ABTB3: variants seen among roughly 807,000 people sequenced by gnomAD.
ABTB3 encodes ankyrin repeat- and BTB/POZ domain-containing protein 3.
chr12:107,639,426 G>A, the ABTB3 span, among the ~76,000 whole-genome samples: 5 of 152,214 alleles, frequency 3.3e-5, no homozygotes, highest in East Asian at 5.8e-4. Context: ...GGGGCCAAGA[G>A]TGGAGGCAGA....
At chr12:107,480,282 A>G in the ABTB3 span, among the ~76,000 whole-genome samples, 1 of 150,240 alleles carries the variant, frequency 6.7e-6, no homozygotes, top group African/African-American at 2.4e-5. Flanking sequence ...GCATGACCCA[A>G]AAAAAAAAAT....
chr12:107,395,319 T>C, the ABTB3 span, among the ~76,000 whole-genome samples: 1 of 152,202 alleles, frequency 6.6e-6, no homozygotes, highest in Non-Finnish European at 1.5e-5. Context: ...CTGTCCATGC[T>C]GATCTTGGCC....
At chr12:107,549,980 A>T in the ABTB3 span, among the ~76,000 whole-genome samples, 1 of 150,776 alleles carries the variant, frequency 6.6e-6, no homozygotes, top group Admixed American at 6.6e-5. Flanking sequence ...TTGCACCTGC[A>T]TGTCACCTGG....
At chr12:107,358,300 A>T in the ABTB3 span, among the ~76,000 whole-genome samples, 53,153 of 152,084 alleles carry the variant, frequency 0.35, 9,674 homozygotes, top group South Asian at 0.42. Flanking sequence ...GTGGCATGTT[A>T]GTAGACCTTC....
the ABTB3 span, among the ~76,000 whole-genome samples, chr12:107,431,792 G>A: frequency 1.3e-5 from 2 of 152,156 alleles, no homozygotes; most frequent in African/African-American, 2.4e-5. Context: ...ACCCTGTATG[G>A]CAGATGCACC....
At chr12:107,649,282 A>T in the ABTB3 span, 2 of 1,611,568 alleles carry the variant, frequency 1.2e-6, no homozygotes, top group Admixed American at 1.7e-5. Context: ...GAGGTAAGGG[A>T]TCCATTGTGG....
the ABTB3 span, among the ~76,000 whole-genome samples, chr12:107,387,816 C>T: frequency 2.6e-5 from 4 of 152,072 alleles, no homozygotes; most frequent in Admixed American, 6.6e-5. Flanking sequence ...GCAATTAATT[C>T]AAATTAATGC....
At chr12:107,428,314 T>G in the ABTB3 span, among the ~76,000 whole-genome samples, 4 of 152,156 alleles carry the variant, frequency 2.6e-5, no homozygotes, top group African/African-American at 9.7e-5. Context: ...CCATAACATA[T>G]GCTGCCAGTT....
At chr12:107,603,723 G>A in the ABTB3 span, among the ~76,000 whole-genome samples, 2 of 152,278 alleles carry the variant, frequency 1.3e-5, no homozygotes, top group East Asian at 3.9e-4. Context: ...AAATTAAAGA[G>A]CTTCTGCACA....
chr12:107,618,282 C>G, the ABTB3 span: 1 of 1,613,950 alleles, frequency 6.2e-7, no homozygotes, highest in Non-Finnish European at 8.5e-7. Context: ...GTGCGCCAGC[C>G]GCAACAGCAA....
At chr12:107,320,061 G>C in the ABTB3 span, 2 of 1,501,544 alleles carry the variant, frequency 1.3e-6, no homozygotes, top group South Asian at 1.3e-5. Context: ...CTGATCTGCG[G>C]GAAGAACGCC....
the ABTB3 span, among the ~76,000 whole-genome samples, chr12:107,486,308 G>C: frequency 1.3e-5 from 2 of 152,118 alleles, no homozygotes; most frequent in Admixed American, 1.3e-4. Flanking sequence ...TAACTCACAG[G>C]TTGGCAAACA....
chr12:107,403,338 G>A, the ABTB3 span, among the ~76,000 whole-genome samples: 1 of 152,118 alleles, frequency 6.6e-6, no homozygotes, highest in African/African-American at 2.4e-5. Flanking sequence ...GACACAGACC[G>A]AAAATGTAAT....
the ABTB3 span, among the ~76,000 whole-genome samples, chr12:107,628,135 CT>C: frequency 4.6e-5 from 7 of 151,928 alleles, no homozygotes; most frequent in African/African-American, 1.2e-4. Context: ...AGAGGTGGGT[CT>C]TTTTTTGGGG....
At chr12:107,559,185 G>C in the ABTB3 span, among the ~76,000 whole-genome samples, 1 of 152,238 alleles carries the variant, frequency 6.6e-6, no homozygotes, top group African/African-American at 2.4e-5. Flanking sequence ...GTCCCAAAGA[G>C]AGATGACAAG....
the ABTB3 span, among the ~76,000 whole-genome samples, chr12:107,445,916 C>T: frequency 1.4e-5 from 2 of 139,732 alleles, no homozygotes; most frequent in South Asian, 4.9e-4. Flanking sequence ...CCTGTCTTCC[C>T]ATCTCCTCTG....
the ABTB3 span, among the ~76,000 whole-genome samples, chr12:107,405,888 G>C: frequency 1.3e-5 from 2 of 152,178 alleles, no homozygotes; most frequent in Non-Finnish European, 2.9e-5. Flanking sequence ...CTCCATCTTG[G>C]GTATCATGCT....
chr12:107,650,633 C>T, the ABTB3 span: 234 of 152,344 alleles, frequency 1.5e-3, 1 homozygote, highest in Non-Finnish European at 9.7e-4. Context: ...GGGTTCACAC[C>T]ATTCTCCTGC....
chr12:107,558,774 C>T, the ABTB3 span, among the ~76,000 whole-genome samples: 48 of 152,194 alleles, frequency 3.2e-4, no homozygotes, highest in Non-Finnish European at 3.2e-4. Flanking sequence ...TCCACTTAAA[C>T]TTCACAGTCA....
Sources: gnomAD v4.1 joint callset for allele counts (sites outside exome capture counted in the v4.1 genomes callset) on GRCh38, gnomAD v4.1.1 for gene constraint, MANE v1.5 for transcripts, NCBI Gene and HGNC (gene_info 2026-07-23, HGNC 2026-07-21) for gene names.